Variants in OR3A3 observed in about 807,000 individuals in gnomAD.
OR3A3 encodes the protein olfactory receptor family 3 subfamily A member 3.
For missense variants in OR3A3, 275 were observed against 391.4 expected (o/e 0.70, Z 2.51); for synonymous variants, 103 against 163.9 (o/e 0.63, Z 2.84).
intron 2 of OR3A3, among the ~76,000 whole-genome samples, chr17:3,418,043 C>T (rs2072402653): frequency 6.6e-6 from 1 of 152,142 alleles, no homozygotes; most frequent in African/African-American, 2.4e-5. Flanking sequence ...GAAACTCTTC[C>T]CTGAGGTCTT....
chr17:3,415,698 A>G (rs1170802045), intron 2 of OR3A3, among the ~76,000 whole-genome samples: 1 of 150,382 alleles, frequency 6.6e-6, no homozygotes, highest in Non-Finnish European at 1.5e-5. Context: ...TTGTCTCATT[A>G]GTGACTTGAC....
intron 2 of OR3A3, among the ~76,000 whole-genome samples, chr17:3,413,750 T>G (rs1179456610): frequency 6.6e-6 from 1 of 150,488 alleles, no homozygotes; most frequent in Non-Finnish European, 1.5e-5. Context: ...GAGGTGGAGG[T>G]TGCAGTGAGC....
At chr17:3,421,095 C>A in exon 3 of OR3A3, 1 of 1,614,200 alleles carries the variant, frequency 6.2e-7, no homozygotes, top group Non-Finnish European at 8.5e-7. Flanking sequence ...CCACGCTCAA[C>A]TTCTGTGGCC....
At chr17:3,421,545 C>A (rs1203526945) in exon 3 of OR3A3, 2 of 1,516,906 alleles carry the variant, frequency 1.3e-6, no homozygotes, top group Non-Finnish European at 1.8e-6. Flanking sequence ...AGATGACCTC[C>A]TTTCCTGCCT....
At chr17:3,415,223 A>G (rs868764932) in intron 2 of OR3A3, among the ~76,000 whole-genome samples, 6 of 151,752 alleles carry the variant, frequency 4.0e-5, no homozygotes, top group Non-Finnish European at 7.4e-5. Flanking sequence ...TATTATTTTT[A>G]TATTTACTTT....
exon 3 of OR3A3, chr17:3,422,588 T>A (rs769411372): frequency 6.6e-6 from 1 of 152,262 alleles, no homozygotes; most frequent in Non-Finnish European, 1.5e-5. Context: ...AATACATCAA[T>A]ACTGCTGCAA....
At chr17:3,419,718 GA>G (rs2072414651) in intron 2 of OR3A3, among the ~76,000 whole-genome samples, 1 of 148,244 alleles carries the variant, frequency 6.7e-6, no homozygotes, top group Admixed American at 6.8e-5. Flanking sequence ...AGAAAAATGG[GA>G]AAATTCTATC....
At chr17:3,418,576 A>C (rs1052106188) in intron 2 of OR3A3, among the ~76,000 whole-genome samples, 1 of 152,172 alleles carries the variant, frequency 6.6e-6, no homozygotes, top group Admixed American at 6.5e-5. Flanking sequence ...ACTTTTATAA[A>C]CAAAGGATTT....
chr17:3,413,175 T>C (rs1255995312), intron 2 of OR3A3, among the ~76,000 whole-genome samples: 2 of 152,016 alleles, frequency 1.3e-5, no homozygotes, highest in East Asian at 1.9e-4. Flanking sequence ...TGAAATAATA[T>C]GTGTGGGAGT....
exon 3 of OR3A3, chr17:3,423,003 G>C (rs991288414): frequency 6.6e-6 from 1 of 152,158 alleles, no homozygotes; most frequent in Non-Finnish European, 1.5e-5. Context: ...TGATGCTCTT[G>C]GGTGTCCAGA....
At chr17:3,414,186 C>T (rs908994408) in intron 2 of OR3A3, among the ~76,000 whole-genome samples, 3 of 152,164 alleles carry the variant, frequency 2.0e-5, no homozygotes, top group African/African-American at 4.8e-5. Flanking sequence ...ATTCTCCTGC[C>T]TCAGCCACCC....
chr17:3,414,162 C>A (rs2072377617), intron 2 of OR3A3, among the ~76,000 whole-genome samples: 1 of 152,164 alleles, frequency 6.6e-6, no homozygotes, highest in Non-Finnish European at 1.5e-5. Context: ...ACCTCCACCT[C>A]CCGGGTTCAA....
exon 3 of OR3A3, chr17:3,423,281 G>C (rs1278642375): frequency 6.6e-6 from 1 of 152,284 alleles, no homozygotes; most frequent in African/African-American, 2.4e-5. Context: ...CAAACATTTT[G>C]AGAGCATTAC....
chr17:3,419,922 A>T (rs537638714), intron 2 of OR3A3, among the ~76,000 whole-genome samples: 2 of 151,438 alleles, frequency 1.3e-5, no homozygotes, highest in South Asian at 4.2e-4. Context: ...CCTGCCACCA[A>T]GCCCGGCTGA....
intron 2 of OR3A3, among the ~76,000 whole-genome samples, chr17:3,414,874 C>T (rs1024371937): frequency 2.6e-5 from 4 of 151,634 alleles, no homozygotes; most frequent in South Asian, 2.1e-4. Flanking sequence ...GGGAATAATT[C>T]GATCATTCAT....
intron 2 of OR3A3, among the ~76,000 whole-genome samples, chr17:3,413,530 C>T (rs754497453): frequency 4.6e-5 from 7 of 152,088 alleles, no homozygotes; most frequent in Non-Finnish European, 1.0e-4. Flanking sequence ...ATTTTAAGGA[C>T]CTGGATGGAT....
chr17:3,419,803 G>A lies in OR3A3; in HGVS notation c.-6-777G>A, dbSNP rs550393556. On this transcript the variant is annotated intron_variant, in intron 2 of 2. Transcript: ENST00000641141. ...GGCTGGAGTGCAGTGGCGCGATCTC[G>A]GCTCACTGCAAGCTCCACCTCCTGG... Among the ~76,000 whole-genome samples the A allele has an allele frequency of 9.2e-4, 134 of 146,250 alleles. 1 individual carries two copies. The highest frequency in any genetic ancestry group is 2.6e-3 in the African/African-American group (104 of 39,338).
chr17:3,417,474 C>T (rs1044452480), intron 2 of OR3A3, among the ~76,000 whole-genome samples: 6 of 152,218 alleles, frequency 3.9e-5, no homozygotes, highest in African/African-American at 1.2e-4. Context: ...TCCCCATATA[C>T]GTCTTACAGT....
chr17:3,418,908 C>A (rs2072408464), intron 2 of OR3A3, among the ~76,000 whole-genome samples: 1 of 152,116 alleles, frequency 6.6e-6, no homozygotes, highest in African/African-American at 2.4e-5. Context: ...ATGCCTTCTT[C>A]ATTTGAAGAC....
Sources: gnomAD v4.1 joint callset for allele counts (sites outside exome capture counted in the v4.1 genomes callset) on GRCh38, gnomAD v4.1.1 for gene constraint, MANE v1.5 for transcripts, NCBI Gene and HGNC (gene_info 2026-07-23, HGNC 2026-07-21) for gene names.